The following SPTBN5 variants were observed in gnomAD, a reference collection of about 807,000 sequenced individuals.
The protein encoded by SPTBN5 is spectrin beta chain, non-erythrocytic 5.
Under a neutral mutation model 477.6 loss-of-function variants are expected in SPTBN5, and 513 were observed. That is an observed-to-expected ratio of 1.07 (90% confidence interval 1.00 to 1.16). The LOEUF (loss-of-function observed/expected upper bound fraction) is 1.16. SPTBN5 is among the 50% of genes most tolerant of loss of function. The pLI is 0.00. For synonymous variants in SPTBN5, 2,169 were observed against 2,011.7 expected, an observed-to-expected ratio of 1.08 and a Z score of -2.09; for missense variants, 5,062 against 4,731.8, an observed-to-expected ratio of 1.07 and a Z score of -2.05.
chr15:41,867,003 G>A lies in SPTBN5; in HGVS notation c.6436C>T (p.His2146Tyr), dbSNP rs772403969. The stretch of plus-strand genomic sequence containing the variant: ...AAGCTGGCCATCAGCAGGGAGGCAT[G>A]CAGGGCGTGTCCCCGGCTCTCCGCC... Reference protein sequence around the residue: ...ELAESRGHALHASLLMASFTQ... With the variant: ...ELAESRGHALYASLLMASFTQ... Residue 2146 changes from histidine (H) to tyrosine (Y), a missense_variant, in exon 36 of 68, where the codon CAT becomes TAT. Physicochemically the swap from His to Tyr is moderately conservative, Grantham distance 83. Coordinates refer to ENST00000320955, the MANE Select transcript of SPTBN5 (RefSeq NM_016642.4). 1 of 1,566,384 alleles carries A rather than the reference G, an allele frequency of 6.4e-7. No individual in the cohort carries two copies.
Position 41,863,829 on chromosome 15 carries a change from G to T in SPTBN5, c.7035-11C>A. The T allele has an allele frequency of 6.8e-6, 11 of 1,613,642 alleles. No homozygotes were observed. The highest frequency in any genetic ancestry group is 9.3e-6 in the Non-Finnish European group (11 of 1,179,686). ...TGGAAACTCGCCCACCTGGCCAAGG[G>T]GTGGTGGTGTCATGTGGAGCCTGAG... On this transcript the variant is annotated splice_polypyrimidine_tract_variant and intron_variant, in intron 40 of 67. Coordinates refer to ENST00000320955, the MANE Select transcript of SPTBN5 (RefSeq NM_016642.4).
chr15:41,860,684 TC>T lies in SPTBN5; in HGVS notation c.7889del (p.Gly2630GlufsTer33). The T allele has an allele frequency of 6.3e-7, 1 of 1,589,742 alleles. No individual in the cohort carries two copies. Among genetic ancestry groups the T allele is most frequent in the Non-Finnish European group, 8.6e-7 (1 of 1,168,912 alleles). Reference protein sequence around the residue: ...MLEWDLEVQAGKISALEATAR... With the variant: ...MLEWDLEVQAXKISALEATAR... ...CCGTGGCCTCCAGAGCACTGATCTT[TC>T]CCGCCTGCACCTCCAGGTCCCACTC... is the stretch of plus-strand genomic sequence containing the variant. On this transcript the variant is annotated frameshift_variant, in exon 47 of 68. Transcript: ENST00000320955. LOFTEE classifies it high-confidence loss of function.
chr15:41,855,583 C>T lies in SPTBN5; in HGVS notation c.9184G>A (p.Ala3062Thr), dbSNP rs2065909142. The change falls in exon 54 of 68, where the codon GCA becomes ACA. Residue 3062 changes from alanine (A) to threonine (T), a missense_variant. Transcript: ENST00000320955. ...SPRIERLQQT[A>T]ALLESRKNPE... ...TTCTTCCTGCTCTCCAGGAGTGCTG[C>T]TGTCTGCTGCAGCCGCTCGATGCGT... 3 of 1,612,000 alleles carry T rather than the reference C, an allele frequency of 1.9e-6. No individual in the cohort carries two copies. The highest frequency in any genetic ancestry group is 1.7e-5 in the Admixed American group (1 of 59,978).
chr15:41,856,896 C>T lies in SPTBN5; in HGVS notation c.8765G>A (p.Gly2922Asp). 1.3e-6 allele frequency: 2 copies of T among 1,552,146 alleles called. No individual in the cohort carries two copies. Among genetic ancestry groups the T allele is most frequent in the Non-Finnish European group, 1.7e-6 (2 of 1,147,876 alleles). ...GTGCCGCACCGCACTCAGGCTCTGG[C>T]CATAGTCCTGGGCAGCGGCCAGAGG... ...KLPLAAAQDY[G>D]QSLSAVRHLQ... Residue 2922 changes from glycine (G) to aspartate (D), a missense_variant, in exon 52 of 68, where the codon GGC (glycine) becomes GAC (aspartate). Transcript: ENST00000320955.
chr15:41,867,772 T>C, intron 34 of SPTBN5, 130 bp from the exon 35 acceptor site: 1 of 918,838 alleles, frequency 1.1e-6, no homozygotes, highest in Non-Finnish European at 1.7e-6. Flanking sequence ...GGCATGGAGC[T>C]GTGAGGAGTG....
chr15:41,880,027 G>A (rs1416579354), intron 14 of SPTBN5, 133 bp downstream of exon 14: 69 of 1,414,974 alleles, frequency 4.9e-5, no homozygotes, highest in African/African-American at 5.8e-5. Context: ...GGAGGCCCTC[G>A]AAATTCAGGC....
chr15:41,856,622 T>C, intron 52 of SPTBN5, 24 bp from the exon 53 acceptor site: 1 of 1,545,662 alleles, frequency 6.5e-7, no homozygotes, highest in Non-Finnish European at 8.7e-7. Context: ...GGCAGGAGGA[T>C]GCGGATGTTG....
rs749393697 is a variant in SPTBN5, at chr15:41,860,658, G to A, written c.7916C>T (p.Ala2639Val). The A allele has an allele frequency of 7.7e-6, 12 of 1,563,162 alleles. No individual in the cohort carries two copies. Among genetic ancestry groups the A allele is most frequent in the Admixed American group, 7.5e-5 (4 of 53,120 alleles). The change falls in exon 47 of 68, where the codon GCC becomes GTC. Residue 2639 changes from alanine to valine, a missense_variant. Ala to Val is a moderately conservative substitution (Grantham distance 64, BLOSUM62 0). Transcript: ENST00000320955. Reference sequence around the variant, plus strand: ...GTGCCCACCCTGGTGCAGGCCGCGGGCCGTGGCCTCCAGAGCACTGATCTT... The same window carrying A: ...GTGCCCACCCTGGTGCAGGCCGCGGACCGTGGCCTCCAGAGCACTGATCTT... ...AGKISALEATARGLHQGGHPE... is the reference protein window; with the variant it reads ...AGKISALEATVRGLHQGGHPE...
rs759151696 is a variant in SPTBN5, at chr15:41,873,604, A to T, written c.4895T>A (p.Phe1632Tyr). The change falls in exon 26 of 68, where the codon TTT becomes TAT. Residue 1632 changes from phenylalanine to tyrosine, a missense_variant. Physicochemically the swap from Phe to Tyr is conservative, Grantham distance 22 (BLOSUM62 3). Transcript: ENST00000320955. ...GCCCTCCAGCTCTGACACATCCAGA[A>T]AGTACTGCCAAGAGTGGGGCCAACT... is the stretch of plus-strand genomic sequence containing the variant. ...LQQAVTFQQY[F>Y]LDVSELEGWV... The T allele has an allele frequency of 1.3e-6, 2 of 1,551,336 alleles. No homozygotes were observed. The highest frequency in any genetic ancestry group is 2.4e-5 in the South Asian group (2 of 84,068).
At position 41,876,866 on chromosome 15, in the gene SPTBN5, T is replaced by C. The variant is rs1422194585; in HGVS notation, c.3794A>G (p.Glu1265Gly). The C allele has an allele frequency of 6.2e-7, 1 of 1,610,582 alleles. No homozygotes were observed. The change falls in exon 19 of 68, where the codon GAG becomes GGG. Residue 1265 changes from glutamate (E) to glycine (G), a missense_variant. Coordinates refer to ENST00000320955, the MANE Select transcript of SPTBN5 (RefSeq NM_016642.4). ...RLLSTLGPRAEALRAHGEKLV... is the reference protein window; with the variant it reads ...RLLSTLGPRAGALRAHGEKLV... ...CTTCTCGCCGTGTGCCCGCAGAGCC[T>C]CTGCCCGAGGCCCCAGGGTGCTCAG...
intron 6 of SPTBN5, 138 bp from the exon 7 acceptor site, chr15:41,886,504 C>A (rs1463793382): frequency 9.9e-6 from 10 of 1,007,872 alleles, no homozygotes; most frequent in East Asian, 5.4e-5. Context: ...GTGGTACCCC[C>A]ACCCCAGAGA....
In SPTBN5 at chr15:41,876,926, C is replaced by T; in HGVS notation, c.3734G>A (p.Ser1245Asn). 4 of 1,609,276 alleles carry T rather than the reference C, an allele frequency of 2.5e-6. No individual in the cohort carries two copies. The highest frequency in any genetic ancestry group is 3.4e-6 in the Non-Finnish European group (4 of 1,179,126). The change falls in exon 19 of 68, where the codon AGC becomes AAC. Residue 1245 changes from serine to asparagine, a missense_variant. By Grantham distance (46) the Ser-to-Asn change is conservative. Transcript: ENST00000320955. Reference sequence around the variant, plus strand: ...AAACTCCCGGTGCTGCTGCAGCAGGCTCAGGGCCTCCCTCACGTCCTCCTG... The same window carrying T: ...AAACTCCCGGTGCTGCTGCAGCAGGTTCAGGGCCTCCCTCACGTCCTCCTG... ...NLGEDVREAL[S>N]LLQQHREFGR...
Position 41,861,469 on chromosome 15 carries a change from C to T in SPTBN5, c.7765G>A (p.Glu2589Lys), listed in dbSNP as rs775265902. ...QLFLSSVEKM[E>K]RWLCSKEDSL... Reference sequence around the variant, plus strand: ...TCTTCCTTGCTGCAAAGCCAACGTTCCATCTTCTCCACTGAGCTCAGAAAC... The same window carrying T: ...TCTTCCTTGCTGCAAAGCCAACGTTTCATCTTCTCCACTGAGCTCAGAAAC... Residue 2589 changes from glutamate (E) to lysine (K), a missense_variant, in exon 46 of 68, where the codon GAA becomes AAA. By Grantham distance (56) the Glu-to-Lys change is moderately conservative. Transcript: ENST00000320955. 6.2e-7 allele frequency: 1 copy of T among 1,613,616 alleles called. No individual in the cohort carries two copies. Among genetic ancestry groups the T allele is most frequent in the South Asian group, 1.1e-5 (1 of 91,084 alleles).
At position 41,871,896 on chromosome 15, in the gene SPTBN5, G is replaced by A; in HGVS notation, c.5187C>T (p.Thr1729=). Reference sequence around the variant, plus strand: ...CCCTCAGGAACTCATGCAGCCTCAGGGTCCCCTCCAGTTCCCGGTCCCTGT... The same window carrying A: ...CCCTCAGGAACTCATGCAGCCTCAGAGTCCCCTCCAGTTCCCGGTCCCTGT... ...AATRDRELEG[T]LRLHEFLREA... The change falls in exon 28 of 68, where the codon ACC becomes ACT. Residue 1729 remains threonine (T), a synonymous_variant. Transcript: ENST00000320955. The A allele has an allele frequency of 3.2e-6, 5 of 1,583,492 alleles. No homozygotes were observed. The highest frequency in any genetic ancestry group is 4.3e-6 in the Non-Finnish European group (5 of 1,164,156).
chr15:41,852,388 C>T (rs931399344), intron 61 of SPTBN5, 72 bp from the exon 62 acceptor site: 13 of 1,488,134 alleles, frequency 8.7e-6, no homozygotes, highest in Non-Finnish European at 1.1e-5. Flanking sequence ...TTCCCGTCTA[C>T]CTCCCCTCCC....
chr15:41,850,167 TCA>T (rs1262556275), intron 66 of SPTBN5: 2 of 572,168 alleles, frequency 3.5e-6, no homozygotes, highest in Non-Finnish European at 6.3e-6. Flanking sequence ...AGGAAACTCC[TCA>T]CAGGTGAGTT....
chr15:41,870,878 T>C (rs2066512181), intron 29 of SPTBN5, among the ~76,000 whole-genome samples: 1 of 152,254 alleles, frequency 6.6e-6, no homozygotes, highest in Admixed American at 6.5e-5. Context: ...AGACGCTTTG[T>C]GGGCAGAGGC....
intron 66 of SPTBN5, chr15:41,850,365 C>A: frequency 4.1e-6 from 1 of 244,056 alleles, no homozygotes; most frequent in Non-Finnish European, 8.0e-6. Flanking sequence ...AGCACGCTGA[C>A]CACGGAAGAA....
chr15:41,850,274 G>A (rs1445838113), intron 66 of SPTBN5: 4 of 377,130 alleles, frequency 1.1e-5, no homozygotes, highest in East Asian at 5.3e-5. Context: ...ACTCTTGGGA[G>A]GAGAGTCCAG....
Sources: allele counts gnomAD v4.1 joint callset (sites outside exome capture counted in the v4.1 genomes callset), GRCh38; gene constraint gnomAD v4.1.1; transcripts MANE v1.5; gene names NCBI Gene and HGNC (gene_info 2026-07-23, HGNC 2026-07-21).